CDH13: variants seen among roughly 807,000 people sequenced by gnomAD.
CDH13 encodes cadherin 13, also known as cadherin-13.
CDH13 carries 24 observed loss-of-function variants against 63.8 expected under a neutral mutation model. That is an observed-to-expected ratio of 0.38 (90% CI 0.27 to 0.53). CDH13 has a LOEUF of 0.53. Among genes scored for constraint, CDH13 ranks in the 20% least tolerant of loss-of-function variants. The pLI is 0.85. For missense variants in CDH13, 1,049 were observed against 903.1 expected, an observed-to-expected ratio of 1.16 and a Z score of -2.07; for synonymous variants, 503 against 355.3, an observed-to-expected ratio of 1.42 and a Z score of -4.67.
At chr16:82,933,099 G>T (rs757679230) in intron 2 of CDH13, among the ~76,000 whole-genome samples, 1 of 152,080 alleles carries the variant, frequency 6.6e-6, no homozygotes, top group Non-Finnish European at 1.5e-5. Flanking sequence ...TTCAGGGTTG[G>T]GGGAGTGATA....
At chr16:82,895,813 A>G (rs2041236013) in intron 2 of CDH13, among the ~76,000 whole-genome samples, 1 of 152,186 alleles carries the variant, frequency 6.6e-6, no homozygotes, top group African/African-American at 2.4e-5. Context: ...GAACACGTCC[A>G]CAGAAATTCC....
intron 5 of CDH13, among the ~76,000 whole-genome samples, chr16:83,280,072 A>G (rs2089119996): frequency 6.6e-6 from 1 of 152,206 alleles, no homozygotes; most frequent in Admixed American, 6.5e-5. Context: ...GATAGTATGC[A>G]GGGTACTGCA....
chr16:82,793,744 C>T (rs574012544), intron 1 of CDH13, among the ~76,000 whole-genome samples: 23 of 152,190 alleles, frequency 1.5e-4, no homozygotes, highest in African/African-American at 4.3e-4. Flanking sequence ...ATCAACAGGG[C>T]GCTCCCCAAG....
chr16:83,483,381 T>G (rs2073816716), intron 6 of CDH13, among the ~76,000 whole-genome samples: 1 of 152,176 alleles, frequency 6.6e-6, no homozygotes, highest in Non-Finnish European at 1.5e-5. Flanking sequence ...AATTTTGTGT[T>G]ACATCATGTT....
chr16:82,721,982 C>T (rs374289251), intron 1 of CDH13, among the ~76,000 whole-genome samples: 43 of 152,220 alleles, frequency 2.8e-4, no homozygotes, highest in African/African-American at 1.0e-3. Context: ...GTGTCCCTAC[C>T]CTCTCTCACT....
intron 10 of CDH13, among the ~76,000 whole-genome samples, chr16:83,709,145 C>T (rs1328918026): frequency 6.6e-6 from 1 of 152,100 alleles, no homozygotes; most frequent in Non-Finnish European, 1.5e-5. Flanking sequence ...AGGAAGAATC[C>T]AGAGGTCAAG....
chr16:83,117,786 A>G (rs1400061781), intron 3 of CDH13, among the ~76,000 whole-genome samples: 2 of 149,946 alleles, frequency 1.3e-5, no homozygotes, highest in Non-Finnish European at 3.0e-5. Flanking sequence ...CCCACCCTCA[A>G]CCCCTCCCCT....
intron 6 of CDH13, among the ~76,000 whole-genome samples, chr16:83,375,698 TC>T (rs1376560215): frequency 6.6e-6 from 1 of 152,126 alleles, no homozygotes; most frequent in Non-Finnish European, 1.5e-5. Flanking sequence ...TCTAGAAGGC[TC>T]CCAGGCAGAA....
At chr16:83,340,360 C>G (rs1259239890) in intron 5 of CDH13, among the ~76,000 whole-genome samples, 1 of 151,786 alleles carries the variant, frequency 6.6e-6, no homozygotes, top group East Asian at 1.9e-4. Context: ...CCAGATAGAC[C>G]TACAAACATC....
At chr16:83,027,040 C>G (rs142239074) in intron 2 of CDH13, among the ~76,000 whole-genome samples, 1 of 151,480 alleles carries the variant, frequency 6.6e-6, no homozygotes, top group South Asian at 2.1e-4. Flanking sequence ...GAGGTCACTA[C>G]GGGCCTCTTA....
At chr16:83,723,671 T>C (rs1438061512) in intron 10 of CDH13, among the ~76,000 whole-genome samples, 1 of 152,246 alleles carries the variant, frequency 6.6e-6, no homozygotes, top group Non-Finnish European at 1.5e-5. Context: ...TACCACTCTC[T>C]GAAGTTATCG....
chr16:82,658,708 G>C (rs1327852593), intron 1 of CDH13, among the ~76,000 whole-genome samples: 3 of 152,174 alleles, frequency 2.0e-5, no homozygotes, highest in Admixed American at 2.0e-4. Context: ...GCACATGGTG[G>C]CTGCCATGAT....
At chr16:83,770,961 G>A (rs1914719952) in intron 11 of CDH13, among the ~76,000 whole-genome samples, 1 of 152,142 alleles carries the variant, frequency 6.6e-6, no homozygotes, top group South Asian at 2.1e-4. Context: ...ATTCAAGATG[G>A]AGTTGCTCTG....
At position 83,418,829 on chromosome 16, in the gene CDH13, C is replaced by T. The variant is rs553620704; in HGVS notation, c.782-67648C>T. Among the ~76,000 whole-genome samples the T allele has an allele frequency of 3.2e-3, 492 of 152,266 alleles. 2 individuals are homozygous for T. The highest frequency in any genetic ancestry group is 5.4e-3 in the Non-Finnish European group (370 of 68,020). ...TTCAACTTGGAGTACTGAAAGCCTT[C>T]CCTTTCCTTCTTTTCTCTCTGTGAA... is the stretch of plus-strand genomic sequence containing the variant. On this transcript the variant is annotated intron_variant, in intron 6 of 13. Transcript: ENST00000567109.
chr16:83,505,352 C>T (rs1489208887), intron 7 of CDH13, among the ~76,000 whole-genome samples: 1 of 152,092 alleles, frequency 6.6e-6, no homozygotes, highest in Non-Finnish European at 1.5e-5. Flanking sequence ...AAGTGCTTTG[C>T]TCTTGATCTT....
At chr16:83,354,804 A>G (rs1486996611) in intron 6 of CDH13, among the ~76,000 whole-genome samples, 1 of 152,244 alleles carries the variant, frequency 6.6e-6, no homozygotes, top group Admixed American at 6.5e-5. Context: ...ATGAGTCAAC[A>G]AACTATGGGC....
intron 5 of CDH13, among the ~76,000 whole-genome samples, chr16:83,232,936 G>A (rs1010628461): frequency 6.6e-6 from 1 of 152,102 alleles, no homozygotes; most frequent in Non-Finnish European, 1.5e-5. Flanking sequence ...TCCAAGGAAA[G>A]GCAAAAATGT....
At chr16:82,645,755 T>A (rs767125551) in intron 1 of CDH13, among the ~76,000 whole-genome samples, 62 of 152,192 alleles carry the variant, frequency 4.1e-4, no homozygotes, top group Non-Finnish European at 7.3e-4. Context: ...TCATGTATAA[T>A]TTTTCAAAAG....
intron 2 of CDH13, among the ~76,000 whole-genome samples, chr16:82,907,511 A>G (rs1056890185): frequency 6.6e-5 from 10 of 152,230 alleles, no homozygotes; most frequent in Admixed American, 2.6e-4. Context: ...TCATTTCTGC[A>G]TTACCAACAA....
Sources: gnomAD v4.1 joint callset for allele counts (sites outside exome capture counted in the v4.1 genomes callset) on GRCh38, gnomAD v4.1.1 for gene constraint, MANE v1.5 for transcripts, NCBI Gene and HGNC (gene_info 2026-07-23, HGNC 2026-07-21) for gene names.